GARRE1: variants seen among roughly 807,000 people sequenced by gnomAD.
GARRE1 encodes the protein granule associated Rac and RHOG effector 1.
A neutral mutation model predicts 103.2 loss-of-function variants in GARRE1; 49 were observed. The ratio of observed to expected loss-of-function variants is 0.47; its 90% CI spans 0.38 to 0.60. The LOEUF (loss-of-function observed/expected upper bound fraction) is 0.60, where lower values mean the gene tolerates loss of function less well. Ranked by LOEUF, GARRE1 falls within the 20% of genes least tolerant of loss-of-function variation. The pLI, the probability that GARRE1 is intolerant of heterozygous loss-of-function variation, is 0.00. For synonymous variants in GARRE1, 505 were observed against 532.8 expected, an observed-to-expected ratio of 0.95 and a Z score of 0.72; for missense variants, 1,199 against 1,370.5, an observed-to-expected ratio of 0.87 and a Z score of 1.98.
chr19:34,302,633 G>A (rs2073986023), intron 2 of GARRE1, among the ~76,000 whole-genome samples: 1 of 151,132 alleles, frequency 6.6e-6, no homozygotes, highest in South Asian at 2.1e-4. Flanking sequence ...TTTTTAGAGA[G>A]TCCCACACGT....
chr19:34,333,115 C>T lies in GARRE1; in HGVS notation c.1264-589C>T, dbSNP rs575927601. 2.2e-4 allele frequency among the ~76,000 whole-genome samples: 33 copies of T among 152,276 alleles called. 1 individual carries two copies. The highest frequency in any genetic ancestry group is 1.2e-3 in the Admixed American group (18 of 15,292). On this transcript the variant is annotated intron_variant, in intron 7 of 13. Transcript: ENST00000299505. ...AGGCTGGAGTGCAGTGGCGCAATCT[C>T]GGCTCACTGCAACCTCTGCCTCCTG...
At chr19:34,254,867 G>A (rs1451856669) in intron 1 of GARRE1, among the ~76,000 whole-genome samples, 1 of 150,648 alleles carries the variant, frequency 6.6e-6, no homozygotes, top group Non-Finnish European at 1.5e-5. Flanking sequence ...GCGAACCCGG[G>A]ACCTGGGGGC....
intron 2 of GARRE1, among the ~76,000 whole-genome samples, chr19:34,317,188 A>G (rs1014536034): frequency 2.0e-5 from 3 of 152,142 alleles, no homozygotes; most frequent in Admixed American, 6.5e-5. Context: ...TTCCTTTCCC[A>G]GCAGCACCCG....
chr19:34,330,727 C>CTTTTT (rs1213759081), intron 7 of GARRE1, among the ~76,000 whole-genome samples: 13 of 102,090 alleles, frequency 1.3e-4, no homozygotes, highest in Middle Eastern at 6.1e-3. Context: ...GACCCTGCCT[C>CTTTTT]TTTTTTTTTT....
chr19:34,309,023 C>A (rs2145249948), intron 2 of GARRE1, among the ~76,000 whole-genome samples: 1 of 152,002 alleles, frequency 6.6e-6, no homozygotes, highest in East Asian at 1.9e-4. Flanking sequence ...TGATGTGCTG[C>A]AGCAAGAACC....
chr19:34,297,060 G>A (rs545841181), intron 1 of GARRE1, among the ~76,000 whole-genome samples: 4 of 152,312 alleles, frequency 2.6e-5, no homozygotes, highest in African/African-American at 9.6e-5. Flanking sequence ...GCCGAGGTGG[G>A]TGGATCACTT....
intron 12 of GARRE1, among the ~76,000 whole-genome samples, chr19:34,349,375 C>T (rs997417297): frequency 5.3e-5 from 8 of 151,914 alleles, no homozygotes; most frequent in African/African-American, 1.7e-4. Context: ...ATTTGGGAGA[C>T]GGGGTGGCCG....
chr19:34,348,252 GAA>G (rs1023083926), intron 11 of GARRE1: 2 of 401,144 alleles, frequency 5.0e-6, no homozygotes, highest in African/African-American at 4.1e-5. Flanking sequence ...GTATCCCTGT[GAA>G]CGTGCCATTG....
At chr19:34,263,947 AT>A (rs1164520827) in intron 1 of GARRE1, among the ~76,000 whole-genome samples, 2 of 152,078 alleles carry the variant, frequency 1.3e-5, no homozygotes, top group Non-Finnish European at 2.9e-5. Context: ...TCCTCTGAAA[AT>A]GGGGAGGTAG....
chr19:34,313,722 G>A (rs758416369), intron 2 of GARRE1, among the ~76,000 whole-genome samples: 13 of 152,296 alleles, frequency 8.5e-5, no homozygotes, highest in Admixed American at 1.3e-4. Context: ...GGGCTCTTGA[G>A]GCCATATATC....
chr19:34,327,622 A>G (rs2074117998), intron 4 of GARRE1, 61 bp downstream of exon 4: 2 of 1,581,098 alleles, frequency 1.3e-6, no homozygotes, highest in Non-Finnish European at 1.7e-6. Context: ...AGGGAGTTAA[A>G]GTTGTGATGT....
At chr19:34,302,047 A>G (rs574469307) in intron 2 of GARRE1, among the ~76,000 whole-genome samples, 3 of 127,792 alleles carry the variant, frequency 2.3e-5, no homozygotes, top group South Asian at 2.6e-4. Context: ...CTGGAGTGCA[A>G]TAGTGCAATC....
chr19:34,267,054 A>G (rs1300594898), intron 1 of GARRE1, among the ~76,000 whole-genome samples: 2 of 152,164 alleles, frequency 1.3e-5, no homozygotes, highest in Non-Finnish European at 2.9e-5. Context: ...GCTTGAGGCC[A>G]GGAGTTCGAG....
intron 3 of GARRE1, among the ~76,000 whole-genome samples, chr19:34,320,982 G>A (rs1429061131): frequency 2.1e-5 from 3 of 144,232 alleles, no homozygotes; most frequent in African/African-American, 5.1e-5. Flanking sequence ...GGGCTCAAGC[G>A]ATCCACCCAC....
At position 34,300,565 on chromosome 19, in the gene GARRE1, A is replaced by G; in HGVS notation, c.92A>G (p.Gln31Arg). The G allele has an allele frequency of 6.2e-7, 1 of 1,613,634 alleles. No homozygotes were observed. The highest frequency in any genetic ancestry group is 8.5e-7 in the Non-Finnish European group (1 of 1,180,028). The change falls in exon 2 of 14, where the codon CAA becomes CGA. Residue 31 changes from glutamine (Q) to arginine (R), a missense_variant. By Grantham distance (43) the Gln-to-Arg change is conservative (BLOSUM62 1). Coordinates refer to ENST00000299505, the MANE Select transcript of GARRE1 (RefSeq NM_014686.5). Reference protein sequence around the residue: ...GSKQKVQQHQQYPMPELGRAL... With the variant: ...GSKQKVQQHQRYPMPELGRAL... ...AAGCAGAAGGTGCAGCAGCACCAGC[A>G]ATACCCGATGCCTGAGCTGGGCCGA...
At chr19:34,266,775 A>G (rs2073754399) in intron 1 of GARRE1, among the ~76,000 whole-genome samples, 1 of 151,314 alleles carries the variant, frequency 6.6e-6, no homozygotes. Flanking sequence ...CTCAGAAATG[A>G]TTTTGAATCT....
chr19:34,351,891 A>C (rs563519798), intron 13 of GARRE1, among the ~76,000 whole-genome samples: 58 of 151,812 alleles, frequency 3.8e-4, no homozygotes, highest in African/African-American at 1.3e-3. Flanking sequence ...GCTTGAGGCC[A>C]GGAGTTCTTG....
At chr19:34,345,730 G>A (rs868329368) in intron 10 of GARRE1, among the ~76,000 whole-genome samples, 4 of 152,244 alleles carry the variant, frequency 2.6e-5, no homozygotes, top group Admixed American at 6.5e-5. Context: ...GCTGAGGCAC[G>A]AGAATTACTT....
intron 1 of GARRE1, among the ~76,000 whole-genome samples, chr19:34,297,016 G>A (rs943774133): frequency 6.6e-6 from 1 of 152,216 alleles, no homozygotes. Context: ...GGCCGGCATG[G>A]TGGCTCACGC....
Sources: gnomAD v4.1 joint callset for allele counts (sites outside exome capture counted in the v4.1 genomes callset) on GRCh38, gnomAD v4.1.1 for gene constraint, MANE v1.5 for transcripts, NCBI Gene and HGNC (gene_info 2026-07-23, HGNC 2026-07-21) for gene names.